Variants in SUCO observed in about 807,000 individuals in gnomAD.
The protein encoded by SUCO is SUN domain-containing ossification factor.
In SUCO, 57 loss-of-function variants were observed where a neutral mutation model predicts 148.1. The ratio of observed to expected loss-of-function variants is 0.38; its 90% CI spans 0.31 to 0.48. The LOEUF (loss-of-function observed/expected upper bound fraction) is 0.48. Among genes scored for constraint, SUCO ranks in the 20% least tolerant of loss-of-function variants. The pLI, the probability that SUCO is intolerant of heterozygous loss-of-function variation, is 0.96. For synonymous variants in SUCO, 470 were observed against 502.7 expected (o/e 0.93, Z 0.87); for missense variants, 1,331 against 1,468.2 (o/e 0.91, Z 1.53).
At chr1:172,567,052 A>G (rs1284764185) in intron 6 of SUCO, among the ~76,000 whole-genome samples, 1 of 152,150 alleles carries the variant, frequency 6.6e-6, no homozygotes, top group African/African-American at 2.4e-5. Context: ...TCTGTAAAGC[A>G]CTCTAAGGTG....
intron 3 of SUCO, chr1:172,555,314 A>AG: frequency 5.0e-6 from 4 of 804,260 alleles, no homozygotes; most frequent in Non-Finnish European, 6.0e-6. Context: ...TTGGAGGAGG[A>AG]GGTGCTGATA....
At chr1:172,537,311 C>T (rs1300544060) in intron 1 of SUCO, among the ~76,000 whole-genome samples, 6 of 151,770 alleles carry the variant, frequency 4.0e-5, no homozygotes, top group Admixed American at 3.3e-4. Context: ...TTAACGGTAC[C>T]TTTTGTTCTC....
chr1:172,532,788 A>G (rs778133139), upstream of SUCO: 18 of 1,605,272 alleles, frequency 1.1e-5, no homozygotes, highest in East Asian at 2.2e-5. Context: ...TCAGCGCGCG[A>G]GGGACGAAGG....
chr1:172,546,232 T>C (rs1368835229), intron 1 of SUCO, among the ~76,000 whole-genome samples: 1 of 152,200 alleles, frequency 6.6e-6, no homozygotes, highest in Non-Finnish European at 1.5e-5. Flanking sequence ...ATAAGGAAAC[T>C]GAAGCTCATA....
chr1:172,578,379 T>A lies in SUCO; in HGVS notation c.1422T>A (p.Asp474Glu). ...QYHSERQELF[D>E]EDYDYPLDYN... ...ACTCAGAACGCCAGGAACTATTTGATGAGGACTATGGTAAGTGACATCAAA... is the reference window on the plus strand; with the variant it reads ...ACTCAGAACGCCAGGAACTATTTGAAGAGGACTATGGTAAGTGACATCAAA... The change falls in exon 14 of 24, where the codon GAT becomes GAA. Residue 474 changes from aspartate to glutamate, a missense_variant. Coordinates refer to ENST00000263688, the MANE Select transcript of SUCO (RefSeq NM_014283.5). 1 of 1,611,868 alleles carries A rather than the reference T, an allele frequency of 6.2e-7. No homozygotes were observed. The highest frequency in any genetic ancestry group is 8.5e-7 in the Non-Finnish European group (1 of 1,178,156).
At chr1:172,586,273 G>A (rs568075021) in intron 17 of SUCO, among the ~76,000 whole-genome samples, 2 of 151,798 alleles carry the variant, frequency 1.3e-5, no homozygotes, top group Non-Finnish European at 2.9e-5. Flanking sequence ...AAATTTTAAA[G>A]GCCCCCCCTT....
upstream of SUCO, chr1:172,532,547 G>C (rs767024689): frequency 3.1e-6 from 5 of 1,613,744 alleles, no homozygotes; most frequent in Admixed American, 1.7e-5. Flanking sequence ...CATTGCCACA[G>C]GGAAAGGGCT....
intron 22 of SUCO, among the ~76,000 whole-genome samples, chr1:172,606,975 C>G (rs959374019): frequency 6.6e-6 from 1 of 151,730 alleles, no homozygotes; most frequent in Non-Finnish European, 1.5e-5. Context: ...ATTGGGTTTT[C>G]AATTTCAGTT....
intron 1 of SUCO, chr1:172,544,109 T>C (rs1352283441): frequency 5.4e-5 from 50 of 927,216 alleles, no homozygotes; most frequent in Non-Finnish European, 6.2e-5. Context: ...GGAAGTAATA[T>C]TCAAAAACTA....
Position 172,609,990 on chromosome 1 carries a change from A to C in SUCO, c.3496A>C (p.Ser1166Arg), listed in dbSNP as rs772298738. 6.2e-7 allele frequency: 1 copy of C among 1,614,004 alleles called. No homozygotes were observed. Reference protein sequence around the residue: ...SSYKGPPSEGSSETSSQSEES... With the variant: ...SSYKGPPSEGRSETSSQSEES... ...TTATAAAGGTCCTCCATCTGAAGGAAGCTCAGAAACTTCATCACAGTCAGA... is the reference window on the plus strand; with the variant it reads ...TTATAAAGGTCCTCCATCTGAAGGACGCTCAGAAACTTCATCACAGTCAGA... The change falls in exon 24 of 24, where the codon AGC (serine) becomes CGC (arginine). Residue 1166 changes from serine (S) to arginine (R), a missense_variant. Coordinates refer to ENST00000263688, the MANE Select transcript of SUCO (RefSeq NM_014283.5).
intron 19 of SUCO, among the ~76,000 whole-genome samples, 158 bp downstream of exon 19, chr1:172,591,229 C>T (rs527707164): frequency 2.0e-5 from 3 of 152,144 alleles, no homozygotes; most frequent in African/African-American, 7.2e-5. Flanking sequence ...TGGAAAGTTA[C>T]ATAGCTATTA....
chr1:172,610,160 T>G lies in SUCO; in HGVS notation c.3666T>G (p.Thr1222=), dbSNP rs1192930688. The G allele has an allele frequency of 6.2e-7, 1 of 1,613,352 alleles. No homozygotes were observed. The highest frequency in any genetic ancestry group is 1.3e-5 in the African/African-American group (1 of 74,836). The change falls in exon 24 of 24, where the codon ACT becomes ACG. Residue 1222 remains threonine (T), a synonymous_variant. Transcript: ENST00000263688. ...AATTGATAAAAACTCTAATACAGAC[T>G]AAGTCGGGATCATTGCCGAGCCTGC... is the stretch of plus-strand genomic sequence containing the variant. ...QGKLIKTLIQ[T]KSGSLPSLHD...
In SUCO at chr1:172,589,542, T is replaced by C. The variant is rs921807967; in HGVS notation, c.2441T>C (p.Met814Thr). The change falls in exon 18 of 24, where the codon ATG becomes ACG. Residue 814 changes from methionine (M) to threonine (T), a missense_variant. Met to Thr is a moderately conservative substitution (Grantham distance 81). Coordinates refer to ENST00000263688, the MANE Select transcript of SUCO (RefSeq NM_014283.5). ...ATTATAAAAGAAGATGTGAACTCCA[T>C]GCAAATTTTCACAAAGCTGTCTGAA... ...DNIIKEDVNS[M>T]QIFTKLSETI... 1.2e-6 allele frequency: 2 copies of C among 1,613,650 alleles called. No homozygotes were observed. Among genetic ancestry groups the C allele is most frequent in the Admixed American group, 1.7e-5 (1 of 59,872 alleles).
At chr1:172,594,387 G>C (rs1360240084) in intron 19 of SUCO, among the ~76,000 whole-genome samples, 2 of 152,048 alleles carry the variant, frequency 1.3e-5, no homozygotes, top group Non-Finnish European at 2.9e-5. Flanking sequence ...ATCAATTTTA[G>C]ATCTTTCTTA....
chr1:172,583,434 C>G (rs1656020413), intron 15 of SUCO, among the ~76,000 whole-genome samples: 2 of 152,124 alleles, frequency 1.3e-5, no homozygotes, highest in Admixed American at 1.3e-4. Context: ...TCGTGAAGAT[C>G]AACATTATGG....
At chr1:172,551,042 TTATG>T (rs1653257076) in intron 1 of SUCO, 1 of 199,062 alleles carries the variant, frequency 5.0e-6, no homozygotes, top group Admixed American at 6.5e-5. Context: ...TAGTATTCAT[TTATG>T]TATGTGCTAT....
chr1:172,537,048 G>T (rs1030345998), intron 1 of SUCO, among the ~76,000 whole-genome samples: 1 of 152,026 alleles, frequency 6.6e-6, no homozygotes, highest in African/African-American at 2.4e-5. Flanking sequence ...TGAGGGGGGC[G>T]CATTATTCAG....
chr1:172,573,559 T>C (rs560220211), intron 9 of SUCO, among the ~76,000 whole-genome samples: 64 of 152,260 alleles, frequency 4.2e-4, no homozygotes, highest in African/African-American at 1.5e-3. Flanking sequence ...AACTATCCTC[T>C]AGACTAGTCA....
intron 6 of SUCO, among the ~76,000 whole-genome samples, 165 bp downstream of exon 6, chr1:172,557,959 TTC>T (rs1456821585): frequency 6.6e-6 from 1 of 152,228 alleles, no homozygotes; most frequent in Non-Finnish European, 1.5e-5. Context: ...GAGCAAGTGA[TTC>T]TGTTTCCATT....
Sources: allele counts gnomAD v4.1 joint callset (sites outside exome capture counted in the v4.1 genomes callset), GRCh38; gene constraint gnomAD v4.1.1; transcripts MANE v1.5; gene names NCBI Gene and HGNC (gene_info 2026-07-23, HGNC 2026-07-21).